Variants in MAF observed in about 807,000 individuals in gnomAD.
MAF encodes the protein transcription factor Maf.
A neutral mutation model predicts 22.0 loss-of-function variants in MAF; 10 were observed. The ratio of observed to expected loss-of-function variants is 0.45; its 90% CI spans 0.28 to 0.77. The LOEUF is 0.77. Ranked by LOEUF, MAF falls within the 30% of genes least tolerant of loss-of-function variation. The pLI is 0.12. For synonymous variants in MAF, 337 were observed against 255.8 expected (o/e 1.32, Z -3.03); for missense variants, 544 against 548.4 (o/e 0.99, Z 0.08).
At chr16:79,551,727 T>G in the MAF span, among the ~76,000 whole-genome samples, 4 of 152,318 alleles carry the variant, frequency 2.6e-5, 1 homozygote, top group African/African-American at 9.6e-5. Context: ...ACATGAAAAT[T>G]AGATAAAGTT....
the MAF span, among the ~76,000 whole-genome samples, chr16:79,537,595 G>T: frequency 6.6e-6 from 1 of 152,110 alleles, no homozygotes; most frequent in Non-Finnish European, 1.5e-5. Context: ...CCGCTCTGTG[G>T]CTCTTTACCC....
the MAF span, among the ~76,000 whole-genome samples, chr16:79,495,808 C>T: frequency 6.6e-6 from 1 of 152,144 alleles, no homozygotes. Flanking sequence ...TCCATTCGTT[C>T]AACAAATATT....
the MAF span, among the ~76,000 whole-genome samples, chr16:79,234,910 G>A: frequency 6.6e-6 from 1 of 151,938 alleles, no homozygotes; most frequent in African/African-American, 2.4e-5. Context: ...CGCGTTGCTG[G>A]ACGCACCCTT....
the MAF span, among the ~76,000 whole-genome samples, chr16:79,259,809 T>A: frequency 6.6e-6 from 1 of 152,116 alleles, no homozygotes; most frequent in Non-Finnish European, 1.5e-5. Flanking sequence ...ACAGCAGGAA[T>A]GGCCCAATGT....
chr16:79,256,358 C>G, the MAF span, among the ~76,000 whole-genome samples: 508 of 152,152 alleles, frequency 3.3e-3, 9 homozygotes, highest in East Asian at 0.024. Context: ...ATCACTCTCC[C>G]CACTGCAACA....
At chr16:79,366,408 C>T in the MAF span, among the ~76,000 whole-genome samples, 3 of 152,136 alleles carry the variant, frequency 2.0e-5, no homozygotes, top group African/African-American at 7.2e-5. Flanking sequence ...TTTTTTGTAA[C>T]CTTGGGTCAT....
At chr16:79,450,752 C>T in the MAF span, among the ~76,000 whole-genome samples, 1 of 151,470 alleles carries the variant, frequency 6.6e-6, no homozygotes, top group Non-Finnish European at 1.5e-5. Flanking sequence ...AGAATTGTGG[C>T]CCATGGAGAA....
At chr16:79,249,322 G>C in the MAF span, among the ~76,000 whole-genome samples, 1 of 151,744 alleles carries the variant, frequency 6.6e-6, no homozygotes, top group Non-Finnish European at 1.5e-5. Flanking sequence ...GGGAGGCTGA[G>C]GCAAGAGAAC....
rs555035655 is a variant in MAF at position 79,600,655 on chromosome 16, G to C, written c.-753C>G. The C allele has an allele frequency of 8.1e-5, 16 of 196,552 alleles. No individual in the cohort carries two copies. The South Asian group carries it at 1.4e-3, about 17-fold the overall frequency. 12.2% of individuals were successfully genotyped at this position (196,552 alleles called of 1,614,324 possible). A position where few individuals can be genotyped will look rare whatever the true frequency, so the allele number is the denominator to read the frequency against. ...GGAAAGACGAGGCAGAGAGCAAAGGGGGGAGGGGGAGGCCAAGCCGACAAG... is the reference window on the plus strand; with the variant it reads ...GGAAAGACGAGGCAGAGAGCAAAGGCGGGAGGGGGAGGCCAAGCCGACAAG... On this transcript the variant is annotated 5_prime_UTR_variant, in exon 1 of 2. Transcript: ENST00000326043.
At chr16:79,422,824 C>T in the MAF span, among the ~76,000 whole-genome samples, 1 of 152,042 alleles carries the variant, frequency 6.6e-6, no homozygotes, top group African/African-American at 2.4e-5. Flanking sequence ...TACTTTTGCA[C>T]TAATCTTATG....
Position 79,594,732 on chromosome 16 carries a change from G to T in MAF, c.1119-179C>A, listed in dbSNP as rs143565138. 1.8e-5 allele frequency: 25 copies of T among 1,410,852 alleles called. No individual in the cohort carries two copies. In the East Asian group the frequency reaches 4.2e-4, roughly 24 times the overall value. 87.4% of individuals were successfully genotyped at this position (1,410,852 alleles called of 1,614,324 possible). A position where few individuals can be genotyped will look rare whatever the true frequency, so the allele number is the denominator to read the frequency against. ...TGTAAGAAAAAAAAAACATGTATTT[G>T]TTTGCTACTCCCACTATACTTCAAA... On this transcript the variant is annotated intron_variant, in intron 1 of 1. Coordinates refer to ENST00000326043, the MANE Select transcript of MAF (RefSeq NM_005360.5).
chr16:79,204,974 T>C, the MAF span: 4 of 152,212 alleles, frequency 2.6e-5, no homozygotes, highest in Admixed American at 2.6e-4. Flanking sequence ...AAGAAACTCA[T>C]GTCTTTTGTC....
the MAF span, among the ~76,000 whole-genome samples, chr16:79,375,807 T>C: frequency 6.6e-6 from 1 of 152,146 alleles, no homozygotes; most frequent in Non-Finnish European, 1.5e-5. Context: ...TTTTGGCAAA[T>C]CCCAGTTCAC....
chr16:79,570,992 G>C, the MAF span, among the ~76,000 whole-genome samples: 1 of 152,062 alleles, frequency 6.6e-6, no homozygotes, highest in South Asian at 2.1e-4. Flanking sequence ...CATCTGAAAG[G>C]TGAGGAAACC....
the MAF span, among the ~76,000 whole-genome samples, chr16:79,411,995 C>T: frequency 1.3e-4 from 20 of 152,108 alleles, no homozygotes; most frequent in African/African-American, 3.6e-4. Flanking sequence ...ACCAGTACCA[C>T]GATAATGACT....
chr16:79,237,087 T>C, the MAF span, among the ~76,000 whole-genome samples: 1 of 152,112 alleles, frequency 6.6e-6, no homozygotes, highest in African/African-American at 2.4e-5. Flanking sequence ...TAAAGGCCAG[T>C]GGCCATTTCA....
At chr16:79,323,357 C>G in the MAF span, among the ~76,000 whole-genome samples, 6 of 151,526 alleles carry the variant, frequency 4.0e-5, no homozygotes, top group East Asian at 9.7e-4. Flanking sequence ...GGGACTCAGG[C>G]TGGAAAGGAG....
chr16:79,223,816 G>T, the MAF span, among the ~76,000 whole-genome samples: 3 of 152,158 alleles, frequency 2.0e-5, no homozygotes, highest in East Asian at 5.8e-4. Context: ...CCAGGAAGAA[G>T]TCAAATCCCT....
chr16:79,203,176 C>G, the MAF span: 3 of 152,278 alleles, frequency 2.0e-5, no homozygotes, highest in East Asian at 1.9e-4. Context: ...GAAGAGATCT[C>G]TCTGTGTAAA....
Sources: gnomAD v4.1 joint callset for allele counts (sites outside exome capture counted in the v4.1 genomes callset) on GRCh38, gnomAD v4.1.1 for gene constraint, MANE v1.5 for transcripts, NCBI Gene and HGNC (gene_info 2026-07-23, HGNC 2026-07-21) for gene names.